ALK: variants seen among roughly 807,000 people sequenced by gnomAD.
ALK encodes ALK tyrosine kinase receptor.
A neutral mutation model predicts 163.1 loss-of-function variants in ALK; 74 were observed. The observed-to-expected ratio is 0.45, with a 90% CI of 0.38 to 0.55. The LOEUF is 0.55. Ranked by LOEUF, ALK falls within the 20% of genes least tolerant of loss-of-function variation. The probability of loss-of-function intolerance (pLI) is 0.00; values close to 1 mark genes in which losing one functional copy is unlikely to be tolerated. For synonymous variants in ALK, 960 were observed against 843.2 expected, an observed-to-expected ratio of 1.14 and a Z score of -2.40; for missense variants, 2,063 against 2,105.3, an observed-to-expected ratio of 0.98 and a Z score of 0.39.
chr2:29,361,205 G>T (rs1187971883), intron 5 of ALK, among the ~76,000 whole-genome samples: 1 of 152,212 alleles, frequency 6.6e-6, no homozygotes. Context: ...TTTCAGATGG[G>T]GCATAAACCA....
chr2:29,885,678 G>A (rs1305331621), intron 1 of ALK, among the ~76,000 whole-genome samples: 1 of 152,064 alleles, frequency 6.6e-6, no homozygotes. Context: ...ATGGAGATGA[G>A]TGCCTCCAAA....
chr2:29,532,125 A>G lies in ALK; in HGVS notation c.953-9T>C, dbSNP rs1267252333. ...GAGAAGGAGAAAGGAGCCTGGAAAGAGACAGGGAAAACGAATCTGCAGATG... is the reference window on the plus strand; with the variant it reads ...GAGAAGGAGAAAGGAGCCTGGAAAGGGACAGGGAAAACGAATCTGCAGATG... On this transcript the variant is annotated splice_polypyrimidine_tract_variant and intron_variant, in intron 3 of 28. Transcript: ENST00000389048. 6.2e-7 allele frequency: 1 copy of G among 1,613,710 alleles called. No individual in the cohort carries two copies. The highest frequency in any genetic ancestry group is 8.5e-7 in the Non-Finnish European group (1 of 1,179,868).
chr2:29,582,292 C>G (rs1269790957), intron 3 of ALK, among the ~76,000 whole-genome samples: 2 of 152,158 alleles, frequency 1.3e-5, no homozygotes, highest in Non-Finnish European at 2.9e-5. Flanking sequence ...TACTCAGAAA[C>G]CCCACCCAAA....
intron 15 of ALK, among the ~76,000 whole-genome samples, chr2:29,231,199 G>A (rs1388317683): frequency 5.3e-5 from 8 of 152,236 alleles, no homozygotes; most frequent in Non-Finnish European, 7.4e-5. Flanking sequence ...TTAGCTGGGC[G>A]TGGTGGCGTG....
intron 14 of ALK, 34 bp from the exon 15 acceptor site, chr2:29,232,482 C>G (rs200925948): frequency 1.2e-6 from 2 of 1,613,866 alleles, no homozygotes; most frequent in Middle Eastern, 1.6e-4. Flanking sequence ...ATTGAGAAAC[C>G]GAGCTGTGCT....
intron 1 of ALK, among the ~76,000 whole-genome samples, chr2:29,876,727 T>C (rs1202391431): frequency 1.3e-5 from 2 of 151,128 alleles, no homozygotes; most frequent in African/African-American, 4.9e-5. Context: ...ATGGTGATGA[T>C]GATGGTGGTG....
At chr2:29,245,913 C>T (rs757836169) in intron 12 of ALK, among the ~76,000 whole-genome samples, 11 of 152,212 alleles carry the variant, frequency 7.2e-5, no homozygotes, top group Non-Finnish European at 1.2e-4. Context: ...TGAATGATGG[C>T]GTTGTCCGGC....
At chr2:29,389,076 C>A (rs915749097) in intron 4 of ALK, among the ~76,000 whole-genome samples, 1 of 152,176 alleles carries the variant, frequency 6.6e-6, no homozygotes, top group Non-Finnish European at 1.5e-5. Flanking sequence ...TTTGTTGAGT[C>A]GCATTCCATT....
Position 29,717,673 on chromosome 2 carries a change from G to T in ALK, c.692C>A (p.Thr231Lys). The T allele has an allele frequency of 6.2e-7, 1 of 1,614,124 alleles. No homozygotes were observed. The highest frequency in any genetic ancestry group is 1.3e-5 in the African/African-American group (1 of 75,058). The change falls in exon 2 of 29, where the codon ACA becomes AAA. Residue 231 changes from threonine to lysine, a missense_variant. Around this residue, in one of 5 missense-constraint regions of ALK, gnomAD observed 987 missense variants for 939.5 expected, o/e 1.05. Coordinates refer to ENST00000389048, the MANE Select transcript of ALK (RefSeq NM_004304.5). ...GTGHSSLESP[T>K]NMPSPSPDYF... Reference sequence around the variant, plus strand: ...ATCAGGAGAAGGAGAAGGCATGTTTGTTGGTGATTCCAAGGAGCTATGACC... The same window carrying T: ...ATCAGGAGAAGGAGAAGGCATGTTTTTTGGTGATTCCAAGGAGCTATGACC...
intron 4 of ALK, among the ~76,000 whole-genome samples, chr2:29,440,098 C>T (rs571713843): frequency 1.8e-4 from 27 of 151,830 alleles, no homozygotes; most frequent in Non-Finnish European, 3.5e-4. Context: ...GCCGGACGTA[C>T]TGGTGAGTGT....
At chr2:29,765,871 A>G (rs1680848593) in intron 1 of ALK, among the ~76,000 whole-genome samples, 1 of 152,240 alleles carries the variant, frequency 6.6e-6, no homozygotes, top group South Asian at 2.1e-4. Context: ...GGCTTATTTC[A>G]TGCTACCAAC....
At chr2:29,600,826 A>G (rs913833891) in intron 3 of ALK, among the ~76,000 whole-genome samples, 2 of 152,148 alleles carry the variant, frequency 1.3e-5, no homozygotes, top group Admixed American at 1.3e-4. Flanking sequence ...AGGAGTAGGA[A>G]GGAACCCAGG....
rs540385609 is a variant in ALK, at chr2:29,512,733, G to T, written c.1154+19182C>A. On this transcript the variant is annotated intron_variant, in intron 4 of 28. Coordinates refer to ENST00000389048, the MANE Select transcript of ALK (RefSeq NM_004304.5). ...GTCCCTGTTTGCAGACGACATGATT[G>T]TATATCTAGAAAACCCCACTGTCTC... Among the ~76,000 whole-genome samples, 21 of 149,558 alleles carry T rather than the reference G, an allele frequency of 1.4e-4. No homozygotes were observed. In the South Asian group the frequency reaches 4.6e-3, roughly 33 times the overall value.
intron 4 of ALK, among the ~76,000 whole-genome samples, chr2:29,477,688 T>C (rs1172423717): frequency 2.0e-5 from 3 of 151,994 alleles, no homozygotes; most frequent in Non-Finnish European, 4.4e-5. Flanking sequence ...GTTTCAGAGG[T>C]ACAGTGACAG....
At chr2:29,715,048 G>T (rs1414121383) in intron 2 of ALK, among the ~76,000 whole-genome samples, 4 of 152,216 alleles carry the variant, frequency 2.6e-5, no homozygotes, top group Non-Finnish European at 4.4e-5. Flanking sequence ...AGCAGTGAAA[G>T]GGAAGGGCCA....
At chr2:29,455,444 TG>T (rs1670928191) in intron 4 of ALK, among the ~76,000 whole-genome samples, 1 of 152,164 alleles carries the variant, frequency 6.6e-6, no homozygotes, top group African/African-American at 2.4e-5. Context: ...GGGACAGAAA[TG>T]GATGTTGTTT....
intron 3 of ALK, among the ~76,000 whole-genome samples, chr2:29,553,350 G>A (rs1041602797): frequency 3.3e-5 from 5 of 152,174 alleles, no homozygotes; most frequent in Non-Finnish European, 5.9e-5. Flanking sequence ...TCAGTGCCTT[G>A]ATGTTGAACT....
intron 1 of ALK, among the ~76,000 whole-genome samples, chr2:29,819,644 T>A (rs1664992225): frequency 1.3e-5 from 2 of 152,194 alleles, no homozygotes; most frequent in African/African-American, 4.8e-5. Flanking sequence ...TGAATGAAAA[T>A]AAATTTATGT....
chr2:29,207,122 G>A (rs753548481), intron 26 of ALK, 49 bp downstream of exon 26: 1 of 1,477,728 alleles, frequency 6.8e-7, no homozygotes. Flanking sequence ...TGGCCCAGGA[G>A]CACCACCTTA....
Sources: gnomAD v4.1 joint callset for allele counts (sites outside exome capture counted in the v4.1 genomes callset) on GRCh38, gnomAD v4.1.1 for gene constraint, gnomAD v4.1.1 regional missense constraint, MANE v1.5 for transcripts, NCBI Gene and HGNC (gene_info 2026-07-23, HGNC 2026-07-21) for gene names.